PTPRD: variants seen among roughly 807,000 people sequenced by gnomAD.
The protein encoded by PTPRD is protein tyrosine phosphatase receptor type D.
A neutral mutation model predicts 214.5 loss-of-function variants in PTPRD; 34 were observed. That is an observed-to-expected ratio of 0.16 (90% CI 0.12 to 0.21). The LOEUF is 0.21. Among genes scored for constraint, PTPRD ranks in the 10% least tolerant of loss-of-function variants. The pLI is 1.00. For synonymous variants in PTPRD, 1,128 were observed against 845.7 expected (o/e 1.33, Z -5.79); for missense variants, 2,545 against 2,398.7 (o/e 1.06, Z -1.27).
intron 8 of PTPRD, among the ~76,000 whole-genome samples, chr9:9,566,897 C>A (rs2084714974): frequency 6.6e-6 from 1 of 151,980 alleles, no homozygotes; most frequent in South Asian, 2.1e-4. Context: ...TTTTGTTGCC[C>A]AGGCACATAC....
chr9:8,602,747 T>C (rs76617886), intron 14 of PTPRD, among the ~76,000 whole-genome samples: 5,909 of 152,280 alleles, frequency 0.039, 166 homozygotes, highest in South Asian at 0.13. Context: ...AAGAGAAACA[T>C]GCAGTTACAT....
chr9:9,731,107 T>A (rs558201892), intron 7 of PTPRD, among the ~76,000 whole-genome samples: 1 of 152,328 alleles, frequency 6.6e-6, no homozygotes, highest in African/African-American at 2.4e-5. Context: ...GTAAATATTT[T>A]ACCTGCTATG....
Position 10,291,207 on chromosome 9 carries a change from C to G in PTPRD, c.-545+49756G>C, listed in dbSNP as rs191512463. Among the ~76,000 whole-genome samples the G allele has an allele frequency of 6.5e-4, 98 of 151,934 alleles. 1 individual carries two copies. Among genetic ancestry groups the G allele is most frequent in the South Asian group, 3.1e-3 (15 of 4,818 alleles). ...CTCTTCCACTGAACACTAGAGTCTC[C>G]CTGGGTTTCCTAAAAAGAGCAGCCA... On this transcript the variant is annotated intron_variant, in intron 3 of 45. Coordinates refer to ENST00000381196, the MANE Select transcript of PTPRD (RefSeq NM_002839.4).
intron 11 of PTPRD, among the ~76,000 whole-genome samples, chr9:8,787,144 C>G (rs2096015437): frequency 6.6e-6 from 1 of 152,140 alleles, no homozygotes; most frequent in Non-Finnish European, 1.5e-5. Flanking sequence ...CCTGAGAAAA[C>G]TATATTAAAC....
intron 26 of PTPRD, 94 bp from the exon 27 acceptor site, chr9:8,493,073 CGCACAT>C: frequency 1.0e-6 from 1 of 999,260 alleles, no homozygotes; most frequent in Non-Finnish European, 1.6e-6. Context: ...TGCAAATGCT[CGCACAT>C]CCCTTGCAGC....
intron 6 of PTPRD, among the ~76,000 whole-genome samples, chr9:9,749,333 T>A (rs1329282560): frequency 6.6e-6 from 1 of 152,188 alleles, no homozygotes; most frequent in African/African-American, 2.4e-5. Flanking sequence ...TAAGCCTTTT[T>A]GCCCATGCCT....
At chr9:8,910,994 C>T (rs1056190517) in intron 11 of PTPRD, among the ~76,000 whole-genome samples, 2 of 152,134 alleles carry the variant, frequency 1.3e-5, no homozygotes, top group African/African-American at 4.8e-5. Context: ...CGATTAAAGA[C>T]ACTATTATTA....
intron 14 of PTPRD, among the ~76,000 whole-genome samples, chr9:8,557,455 T>TATACATACACATAC: frequency 7.4e-6 from 1 of 135,640 alleles, no homozygotes; most frequent in African/African-American, 3.5e-5. Context: ...TATATATATA[T>TATACATACACATAC]ATTTGGGCCG....
intron 8 of PTPRD, among the ~76,000 whole-genome samples, chr9:9,413,370 T>C (rs1208237693): frequency 2.0e-5 from 3 of 151,810 alleles, no homozygotes; most frequent in Non-Finnish European, 4.4e-5. Flanking sequence ...CGCCTCGGCC[T>C]CCCAAAGTGC....
chr9:9,490,945 A>G (rs1405822034), intron 8 of PTPRD, among the ~76,000 whole-genome samples: 1 of 142,154 alleles, frequency 7.0e-6, no homozygotes, highest in Non-Finnish European at 1.5e-5. Context: ...TGTACTGTCT[A>G]AATGAACTAT....
At chr9:9,223,099 G>T (rs540813035) in intron 9 of PTPRD, among the ~76,000 whole-genome samples, 1 of 152,022 alleles carries the variant, frequency 6.6e-6, no homozygotes, top group Admixed American at 6.6e-5. Context: ...AGAAAACTGT[G>T]ATGTGATAAA....
chr9:10,297,924 T>G (rs975412090), intron 3 of PTPRD, among the ~76,000 whole-genome samples: 1 of 152,226 alleles, frequency 6.6e-6, no homozygotes, highest in South Asian at 2.1e-4. Context: ...TCTGCTACTA[T>G]GGTGGCTATT....
At chr9:9,320,163 T>C (rs1208132250) in intron 9 of PTPRD, among the ~76,000 whole-genome samples, 1 of 152,206 alleles carries the variant, frequency 6.6e-6, no homozygotes, top group African/African-American at 2.4e-5. Flanking sequence ...AAAAATGTTT[T>C]ATTTATTCTA....
chr9:8,482,648 T>G (rs1420799038), intron 30 of PTPRD, among the ~76,000 whole-genome samples: 2 of 152,176 alleles, frequency 1.3e-5, no homozygotes, highest in African/African-American at 2.4e-5. Flanking sequence ...ATTGAAATGT[T>G]ATCATGCCAC....
At chr9:9,393,495 C>A (rs1314462600) in intron 9 of PTPRD, among the ~76,000 whole-genome samples, 2 of 152,132 alleles carry the variant, frequency 1.3e-5, no homozygotes, top group Non-Finnish European at 2.9e-5. Flanking sequence ...TCCAGTTAAT[C>A]TCTTAGCTGA....
chr9:9,378,146 T>C (rs989916131), intron 9 of PTPRD, among the ~76,000 whole-genome samples: 1 of 152,216 alleles, frequency 6.6e-6, no homozygotes, highest in African/African-American at 2.4e-5. Context: ...TGGATGTATA[T>C]TACAGAGTAG....
At chr9:9,858,980 G>A (rs191766999) in intron 5 of PTPRD, among the ~76,000 whole-genome samples, 53 of 152,176 alleles carry the variant, frequency 3.5e-4, no homozygotes, top group Non-Finnish European at 5.7e-4. Context: ...ATCTCATCTC[G>A]AATAGGAATC....
intron 11 of PTPRD, among the ~76,000 whole-genome samples, chr9:8,754,454 A>AT (rs2093807404): frequency 6.6e-6 from 1 of 152,176 alleles, no homozygotes; most frequent in Admixed American, 6.5e-5. Context: ...ACCCACCCAT[A>AT]TGTACTCTCA....
rs187178575 is a variant in PTPRD, at chr9:8,537,898, T to G, written c.353-9119A>C. On this transcript the variant is annotated intron_variant, in intron 14 of 45. Coordinates refer to ENST00000381196, the MANE Select transcript of PTPRD (RefSeq NM_002839.4). ...TTGTCTAAATGTGGTAGCTCCAAGT[T>G]TACATTGCATTAAGTTAAGGCATAC... Among the ~76,000 whole-genome samples the G allele has an allele frequency of 2.0e-3, 298 of 152,128 alleles. 1 individual carries two copies. The highest frequency in any genetic ancestry group is 0.014 in the Middle Eastern group (4 of 294).
Sources: gnomAD v4.1 joint callset for allele counts (sites outside exome capture counted in the v4.1 genomes callset) on GRCh38, gnomAD v4.1.1 for gene constraint, MANE v1.5 for transcripts, NCBI Gene and HGNC (gene_info 2026-07-23, HGNC 2026-07-21) for gene names.